GGT7: variants seen among roughly 807,000 people sequenced by gnomAD.
GGT7 encodes gamma-glutamyltransferase 7, also known as glutathione hydrolase 7.
GGT7 carries 30 observed loss-of-function variants against 69.2 expected under a neutral mutation model. The observed-to-expected ratio is 0.43, with a 90% CI of 0.32 to 0.59. The LOEUF (loss-of-function observed/expected upper bound fraction) is 0.59. Ranked by LOEUF, GGT7 falls within the 20% of genes least tolerant of loss-of-function variation. GGT7 has a pLI of 0.05. For synonymous variants in GGT7, 388 were observed against 391.8 expected (o/e 0.99, Z 0.12); for missense variants, 733 against 901.1 (o/e 0.81, Z 2.39).
intron 13 of GGT7, 164 bp downstream of exon 13, chr20:34,851,067 G>C: frequency 2.5e-6 from 2 of 796,570 alleles, no homozygotes; most frequent in Non-Finnish European, 4.2e-6. Flanking sequence ...GAAACTCAGC[G>C]CAGCCCATGT....
At position 34,853,210 on chromosome 20, in the gene GGT7, G is replaced by A. The variant is rs191697870; in HGVS notation, c.1320-672C>T. Among the ~76,000 whole-genome samples, 727 of 152,160 alleles carry A rather than the reference G, an allele frequency of 4.8e-3. 2 individuals carry two copies. The highest frequency in any genetic ancestry group is 7.8e-3 in the Non-Finnish European group (528 of 68,012). ...TCCACTCACCTCGGCCTCCCAAAGT[G>A]CTGGGATTACAGGCATGAGCCACCA... is the stretch of plus-strand genomic sequence containing the variant. On this transcript the variant is annotated intron_variant, in intron 10 of 14. Coordinates refer to ENST00000336431, the MANE Select transcript of GGT7 (RefSeq NM_178026.3).
Position 34,845,228 on chromosome 20 carries a change from G to A in GGT7, c.*100C>T. 9.1e-7 allele frequency: 1 copy of A among 1,095,540 alleles called. No individual in the cohort carries two copies. Among genetic ancestry groups the A allele is most frequent in the Non-Finnish European group, 1.3e-6 (1 of 781,326 alleles). The allele number at this position is 1,095,540 out of a possible 1,614,324, so 67.9% of individuals were successfully genotyped here. A position where few individuals can be genotyped will look rare whatever the true frequency, so the allele number is the denominator to read the frequency against. On this transcript the variant is annotated 3_prime_UTR_variant, in exon 15 of 15. Coordinates refer to ENST00000336431, the MANE Select transcript of GGT7 (RefSeq NM_178026.3). The stretch of plus-strand genomic sequence containing the variant: ...AAGCATCCCCTCTGGCCCCTGATCT[G>A]GGGCATCCCTGGGGTCCCCCTGAGA...
intron 6 of GGT7, 28 bp downstream of exon 6, chr20:34,859,939 GTC>G: frequency 7.0e-7 from 1 of 1,423,536 alleles, no homozygotes; most frequent in Non-Finnish European, 9.7e-7. Flanking sequence ...TCAACCTCAT[GTC>G]TCTCCCAAAT....
At chr20:34,867,216 C>G (rs563256089) in intron 1 of GGT7, among the ~76,000 whole-genome samples, 12 of 152,270 alleles carry the variant, frequency 7.9e-5, no homozygotes, top group Admixed American at 2.6e-4. Flanking sequence ...TGAGCCACAG[C>G]ACCCGGCATT....
chr20:34,861,530 C>A lies in GGT7; in HGVS notation c.590G>T (p.Arg197Leu), dbSNP rs199747158. ...GGVMLVHDIRRNESHLIDFRE... is the reference protein window; with the variant it reads ...GGVMLVHDIRLNESHLIDFRE... The stretch of plus-strand genomic sequence containing the variant: ...GAAATCAATTAGGTGGCTCTCATTT[C>A]GTCGGATGTCATGTACCAGCATCAC... Residue 197 changes from arginine to leucine, a missense_variant, in exon 4 of 15, where the codon CGA becomes CTA. Transcript: ENST00000336431. 2.0e-6 allele frequency: 3 copies of A among 1,523,288 alleles called. No homozygotes were observed. The highest frequency in any genetic ancestry group is 2.7e-6 in the Non-Finnish European group (3 of 1,123,032). The allele number at this position is 1,523,288 out of a possible 1,614,324, so 94.4% of individuals were successfully genotyped here. A position where few individuals can be genotyped will look rare whatever the true frequency, so the allele number is the denominator to read the frequency against.
intron 4 of GGT7, among the ~76,000 whole-genome samples, chr20:34,860,591 C>T (rs745464285): frequency 5.3e-5 from 8 of 150,834 alleles, no homozygotes; most frequent in Non-Finnish European, 7.4e-5. Flanking sequence ...AGGACATAAC[C>T]AGTGTAGAAA....
At position 34,863,092 on chromosome 20, in the gene GGT7, G is replaced by T; in HGVS notation, c.406-127C>A. 1 of 950,918 alleles carries T rather than the reference G, an allele frequency of 1.1e-6. No homozygotes were observed. The allele number at this position is 950,918 out of a possible 1,614,324, so 58.9% of individuals were successfully genotyped here. ...CCTGCCCCCTTGTTGCCTTGACTCTGCCCTCATTACCCCAAGTGCCTCCTA... is the reference window on the plus strand; with the variant it reads ...CCTGCCCCCTTGTTGCCTTGACTCTTCCCTCATTACCCCAAGTGCCTCCTA... On this transcript the variant is annotated intron_variant, in intron 2 of 14. Coordinates refer to ENST00000336431, the MANE Select transcript of GGT7 (RefSeq NM_178026.3). This position sits in a 1 kb window ranked among gnomAD's most constrained non-coding sequence, Gnocchi z 4.4.
Position 34,852,171 on chromosome 20 carries a change from T to C in GGT7, c.1571A>G (p.His524Arg), listed in dbSNP as rs2079405594. The C allele has an allele frequency of 6.2e-7, 1 of 1,609,128 alleles. No homozygotes were observed. Among genetic ancestry groups the C allele is most frequent in the Non-Finnish European group, 8.5e-7 (1 of 1,175,836 alleles). Residue 524 changes from histidine (H) to arginine (R), a missense_variant, in exon 12 of 15, where the codon CAC becomes CGC. Transcript: ENST00000336431. ...DFSWPNRTAN[H>R]SAPSLENSVQ... is the part of the protein sequence containing the mutation. The stretch of plus-strand genomic sequence containing the variant: ...AAATCCTACCAGGCTGGGTGCAGAG[T>C]GGTTAGCTGTCCGGTTGGGCCAGGA...
intron 13 of GGT7, chr20:34,850,935 G>T: frequency 1.5e-6 from 1 of 667,336 alleles, no homozygotes; most frequent in Non-Finnish European, 2.8e-6. Flanking sequence ...GAGGTATAAT[G>T]GGACTTGAGG....
At chr20:34,856,929 A>T (rs1427445441) in intron 7 of GGT7, 36 bp from the exon 8 acceptor site, 1 of 1,293,544 alleles carries the variant, frequency 7.7e-7, no homozygotes, top group Non-Finnish European at 1.1e-6. Context: ...ACCTCCCACC[A>T]CTGTGACATG....
At chr20:34,860,453 G>T in intron 4 of GGT7, 132 bp from the exon 5 acceptor site, 1 of 710,080 alleles carries the variant, frequency 1.4e-6, no homozygotes, top group Non-Finnish European at 2.5e-6. Context: ...TATCCCAGGG[G>T]AGGGACAAGC....
chr20:34,859,538 G>T lies in GGT7; in HGVS notation c.919C>A (p.Arg307=). ...TCCAGCACCTCAGCCAGGTCGGGCC[G>T]ATGCAGCAACGAGCCAGGTAGTGGC... is the stretch of plus-strand genomic sequence containing the variant. ...RPPLPGSLLH[R]PDLAEVLDVL... Residue 307 remains arginine, a synonymous_variant, in exon 7 of 15, where the codon CGG becomes AGG. Transcript: ENST00000336431. 1 of 1,612,348 alleles carries T rather than the reference G, an allele frequency of 6.2e-7. No individual in the cohort carries two copies.
chr20:34,859,368 G>GA, intron 7 of GGT7, 75 bp downstream of exon 7: 2 of 1,176,604 alleles, frequency 1.7e-6, no homozygotes, highest in Non-Finnish European at 2.4e-6. Flanking sequence ...GGGAAGGAAG[G>GA]AAAAAATGCG....
At chr20:34,860,392 G>T (rs1045601159) in intron 4 of GGT7, 71 bp from the exon 5 acceptor site, 3 of 1,166,574 alleles carry the variant, frequency 2.6e-6, no homozygotes, top group African/African-American at 1.5e-5. Flanking sequence ...GCTGAACTCC[G>T]CAGAGCCCCA....
intron 3 of GGT7, among the ~76,000 whole-genome samples, chr20:34,862,142 A>T (rs2146919171): frequency 6.6e-6 from 1 of 152,300 alleles, no homozygotes; most frequent in Non-Finnish European, 1.5e-5. Flanking sequence ...GACAGAGAAG[A>T]GGAAGTGGTA....
At position 34,860,224 on chromosome 20, in the gene GGT7, G is replaced by T. The variant is rs768745642; in HGVS notation, c.743+30C>A. The T allele has an allele frequency of 3.9e-6, 6 of 1,527,460 alleles. No individual in the cohort carries two copies. In the African/African-American group the frequency reaches 6.8e-5, roughly 17 times the overall value. 94.6% of individuals were successfully genotyped at this position (1,527,460 alleles called of 1,614,324 possible). A position where few individuals can be genotyped will look rare whatever the true frequency, so the allele number is the denominator to read the frequency against. On this transcript the variant is annotated intron_variant, in intron 5 of 14. Coordinates refer to ENST00000336431, the MANE Select transcript of GGT7 (RefSeq NM_178026.3). ...CACCCAAGGAGAGATGCAAACGGGG[G>T]TCCCTGGTCCCCAGGGGGAGGGTTG...
At chr20:34,867,981 G>C (rs2079720818) in intron 1 of GGT7, among the ~76,000 whole-genome samples, 1 of 152,152 alleles carries the variant, frequency 6.6e-6, no homozygotes. Flanking sequence ...TCATGCCTCA[G>C]CCTCCCAAGA....
intron 10 of GGT7, 108 bp from the exon 11 acceptor site, chr20:34,852,646 C>A: frequency 9.9e-7 from 1 of 1,007,684 alleles, no homozygotes. Flanking sequence ...CTACCTCCCT[C>A]ACTGGACTAC....
chr20:34,845,139 CCACCA>C lies in GGT7; in HGVS notation c.*184_*188del. 2.0e-6 allele frequency: 1 copy of C among 496,614 alleles called. No individual in the cohort carries two copies. Among genetic ancestry groups the C allele is most frequent in the Non-Finnish European group, 3.7e-6 (1 of 273,506 alleles). The allele number at this position is 496,614 out of a possible 1,614,324, so 30.8% of individuals were successfully genotyped here. ...ACCACCACCACCACCACCACCACCA[CCACCA>C]CCACCACCACAGGCCTCCTGATGGA... On this transcript the variant is annotated 3_prime_UTR_variant, in exon 15 of 15. Transcript: ENST00000336431.
Sources: gnomAD v4.1 joint callset for allele counts (sites outside exome capture counted in the v4.1 genomes callset) on GRCh38, gnomAD v4.1.1 for gene constraint, Gnocchi (gnomAD v3.1) non-coding constraint, MANE v1.5 for transcripts, NCBI Gene and HGNC (gene_info 2026-07-23, HGNC 2026-07-21) for gene names.